The following RAD51B variants were observed in gnomAD, a reference collection of about 807,000 sequenced individuals.
RAD51B encodes the protein DNA repair protein RAD51 homolog 2.
In RAD51B, 38 loss-of-function variants were observed where a neutral mutation model predicts 42.2. The ratio of observed to expected loss-of-function variants is 0.90; its 90% CI spans 0.70 to 1.18. The LOEUF (loss-of-function observed/expected upper bound fraction) is 1.18, where lower values mean the gene tolerates loss of function less well. Ranked by LOEUF, RAD51B falls within the 50% of genes most tolerant of loss-of-function variation. RAD51B has a pLI of 0.00. For missense variants in RAD51B, 373 were observed against 400.7 expected (o/e 0.93, Z 0.59); for synonymous variants, 154 against 145.2 (o/e 1.06, Z -0.43).
chr14:68,045,745 A>G (rs2076289597), intron 7 of RAD51B, among the ~76,000 whole-genome samples: 1 of 152,198 alleles, frequency 6.6e-6, no homozygotes, highest in African/African-American at 2.4e-5. Context: ...TACAGTAGAT[A>G]TTAGTGACTA....
intron 7 of RAD51B, among the ~76,000 whole-genome samples, chr14:68,118,275 G>A (rs1262169433): frequency 1.3e-5 from 2 of 152,086 alleles, no homozygotes; most frequent in African/African-American, 4.8e-5. Flanking sequence ...AATACTATTT[G>A]GTAATCAGTA....
intron 7 of RAD51B, among the ~76,000 whole-genome samples, chr14:67,889,649 G>T (rs2043161684): frequency 6.6e-6 from 1 of 151,392 alleles, no homozygotes; most frequent in Admixed American, 6.6e-5. Context: ...ACATCATTTG[G>T]CCCTTATGTG....
intron 10 of RAD51B, among the ~76,000 whole-genome samples, chr14:68,583,020 G>A (rs937391658): frequency 2.6e-5 from 4 of 152,152 alleles, no homozygotes; most frequent in Non-Finnish European, 4.4e-5. Context: ...GGCTAGGGGA[G>A]GGATAGCATT....
chr14:68,342,693 A>C (rs866411576), intron 8 of RAD51B, among the ~76,000 whole-genome samples: 1 of 150,950 alleles, frequency 6.6e-6, no homozygotes, highest in African/African-American at 2.4e-5. Flanking sequence ...AGAAAGGCGC[A>C]GAAAGGTTTA....
intron 7 of RAD51B, among the ~76,000 whole-genome samples, chr14:67,944,458 C>T (rs79981096): frequency 0.014 from 2,168 of 151,904 alleles, 20 homozygotes; most frequent in Non-Finnish European, 0.022. Context: ...TTCATAAAAA[C>T]GTGGTTGTAA....
chr14:68,075,477 C>G (rs1056543256), intron 7 of RAD51B, among the ~76,000 whole-genome samples: 2 of 152,138 alleles, frequency 1.3e-5, no homozygotes, highest in African/African-American at 4.8e-5. Flanking sequence ...AGGGCTCTGC[C>G]TGGTGAAGAC....
intron 7 of RAD51B, among the ~76,000 whole-genome samples, chr14:68,166,009 A>T (rs1032563937): frequency 6.6e-6 from 1 of 152,066 alleles, no homozygotes; most frequent in Non-Finnish European, 1.5e-5. Flanking sequence ...TACCATGAAT[A>T]TTGTGCCCGA....
intron 10 of RAD51B, among the ~76,000 whole-genome samples, chr14:68,521,971 C>T (rs765153880): frequency 5.3e-5 from 8 of 152,168 alleles, no homozygotes; most frequent in Non-Finnish European, 7.4e-5. Context: ...TTCACAGCAA[C>T]GCTATAAGGT....
chr14:68,397,658 C>T (rs1220141832), intron 8 of RAD51B, among the ~76,000 whole-genome samples: 1 of 152,148 alleles, frequency 6.6e-6, no homozygotes, highest in East Asian at 1.9e-4. Flanking sequence ...GCATGGTGGC[C>T]ATGGGGACAC....
chr14:68,121,147 A>G (rs569879661), intron 7 of RAD51B, among the ~76,000 whole-genome samples: 27 of 152,236 alleles, frequency 1.8e-4, no homozygotes, highest in African/African-American at 6.0e-4. Context: ...TCAAGTTAGA[A>G]CTTTTTATTA....
chr14:67,996,165 G>A (rs2075380069), intron 7 of RAD51B, among the ~76,000 whole-genome samples: 1 of 151,804 alleles, frequency 6.6e-6, no homozygotes, highest in Non-Finnish European at 1.5e-5. Flanking sequence ...GGAGGCCGAG[G>A]TGGGAGGATC....
At chr14:68,173,990 G>T (rs1204583462) in intron 7 of RAD51B, among the ~76,000 whole-genome samples, 5 of 152,188 alleles carry the variant, frequency 3.3e-5, no homozygotes, top group Admixed American at 2.0e-4. Flanking sequence ...AGTAGCCCAA[G>T]TCTTAGATTA....
chr14:68,637,319 T>G (rs2140127371), intron 10 of RAD51B, among the ~76,000 whole-genome samples: 1 of 152,290 alleles, frequency 6.6e-6, no homozygotes, highest in South Asian at 2.1e-4. Context: ...CCTCAAGCGA[T>G]CCTCCCACTT....
chr14:68,540,447 C>T, intron 10 of RAD51B: 1 of 985,254 alleles, frequency 1.0e-6, no homozygotes, highest in Non-Finnish European at 1.2e-6. Context: ...TGCCACCTTC[C>T]CAAGATCTTA....
chr14:68,605,302 CAAACAT>C lies in RAD51B; in HGVS notation c.1037-5700_1037-5695del, dbSNP rs979404598. On this transcript the variant is annotated intron_variant, in intron 10 of 10. Coordinates refer to the RAD51B transcript ENST00000487861. ...CCTGGTGCTGCAAAGAAATAGCACTCAAACATAAATTTAATTCTCTCAGCAAGGCCA... is the reference window on the plus strand; with the variant it reads ...CCTGGTGCTGCAAAGAAATAGCACTCAAATTTAATTCTCTCAGCAAGGCCA... 1.2e-4 allele frequency among the ~76,000 whole-genome samples: 18 copies of C among 152,258 alleles called. No homozygotes were observed. The East Asian group carries it at 3.1e-3, about 26-fold the overall frequency.
intron 7 of RAD51B, among the ~76,000 whole-genome samples, chr14:68,034,070 T>G (rs1413150258): frequency 6.6e-6 from 1 of 152,076 alleles, no homozygotes; most frequent in Non-Finnish European, 1.5e-5. Flanking sequence ...ACTGACTATA[T>G]TTTACCAGTT....
In RAD51B at chr14:68,575,530, G is replaced by A. The variant is rs563022512; in HGVS notation, c.1037-18955G>A. On this transcript the variant is annotated intron_variant, in intron 10 of 10. Coordinates refer to the RAD51B transcript ENST00000487270. The stretch of plus-strand genomic sequence containing the variant: ...CCCATTTGAAAAATTGAAATGGACC[G>A]TTGAATCCCAGAGCCTTGCGGCATG... Among the ~76,000 whole-genome samples, 253 of 152,246 alleles carry A rather than the reference G, an allele frequency of 1.7e-3. 1 individual carries two copies. The highest frequency in any genetic ancestry group is 2.4e-3 in the Non-Finnish European group (165 of 68,028).
chr14:67,894,588 A>G (rs1430940164), intron 7 of RAD51B, among the ~76,000 whole-genome samples: 1 of 152,220 alleles, frequency 6.6e-6, no homozygotes, highest in East Asian at 1.9e-4. Flanking sequence ...GGAGAATAAA[A>G]TAAGTATCTT....
intron 8 of RAD51B, among the ~76,000 whole-genome samples, chr14:68,314,614 G>A (rs1657667172): frequency 6.6e-6 from 1 of 152,080 alleles, no homozygotes; most frequent in Non-Finnish European, 1.5e-5. Flanking sequence ...CAAAACCATG[G>A]TGCCACTTCA....
Sources: gnomAD v4.1 joint callset for allele counts (sites outside exome capture counted in the v4.1 genomes callset) on GRCh38, gnomAD v4.1.1 for gene constraint, MANE v1.5 for transcripts, NCBI Gene and HGNC (gene_info 2026-07-23, HGNC 2026-07-21) for gene names.